The following SLC9A3 variants were observed in gnomAD, a reference collection of about 807,000 sequenced individuals.
SLC9A3 encodes solute carrier family 9 member A3.
In SLC9A3, 37 loss-of-function variants were observed where a neutral mutation model predicts 86.8. That is an observed-to-expected ratio of 0.43 (90% CI 0.33 to 0.56). The LOEUF (loss-of-function observed/expected upper bound fraction) is 0.56. SLC9A3 is among the 20% of genes least tolerant of loss of function. The probability of loss-of-function intolerance (pLI) is 0.06; values close to 1 mark genes in which losing one functional copy is unlikely to be tolerated. For missense variants in SLC9A3, 1,011 were observed against 1,171.9 expected (o/e 0.86, Z 2.00); for synonymous variants, 581 against 528.3 (o/e 1.10, Z -1.37).
intron 1 of SLC9A3, among the ~76,000 whole-genome samples, chr5:504,496 C>G (rs1051676135): frequency 6.6e-6 from 1 of 152,192 alleles, no homozygotes; most frequent in Admixed American, 6.5e-5. Flanking sequence ...CCAGTGTGTC[C>G]GGCGGCGGCA....
In SLC9A3 at chr5:490,122, C is replaced by G. The variant is rs12657631; in HGVS notation, c.515-1646G>C. On this transcript the variant is annotated intron_variant, in intron 2 of 16. Transcript: ENST00000264938. ...ACTCCCAGGAATGGGATGGACCTGC[C>G]GGCCATGGGCATCTCTGTTCCAGAA... Among the ~76,000 whole-genome samples the G allele has an allele frequency of 7.4e-5, 9 of 121,618 alleles. No individual in the cohort carries two copies. In the East Asian group the frequency reaches 1.7e-3, roughly 24 times the overall value. 79.8% of individuals were successfully genotyped at this position (121,618 alleles called of 152,430 possible).
intron 3 of SLC9A3, 63 bp downstream of exon 3, chr5:488,253 G>T: frequency 8.3e-6 from 13 of 1,566,724 alleles, no homozygotes; most frequent in South Asian, 1.1e-5. Flanking sequence ...ACCGATGGGG[G>T]GTGAGACGGG....
At chr5:511,455 A>G (rs1740865825) in intron 1 of SLC9A3, among the ~76,000 whole-genome samples, 1 of 152,288 alleles carries the variant, frequency 6.6e-6, no homozygotes, top group Admixed American at 6.5e-5. Flanking sequence ...CATAGGAAAA[A>G]TAAACAACCC....
intron 1 of SLC9A3, among the ~76,000 whole-genome samples, 173 bp downstream of exon 1, chr5:523,939 A>G (rs1256382358): frequency 1.3e-5 from 2 of 152,014 alleles, no homozygotes; most frequent in African/African-American, 2.4e-5. Context: ...GGGGCGGCTT[A>G]GCGCGGCCAG....
rs769199001 is a variant in SLC9A3 at position 476,510 on chromosome 5, G to A, written c.1890+33C>T. On this transcript the variant is annotated intron_variant, in intron 12 of 16. Coordinates refer to ENST00000264938, the MANE Select transcript of SLC9A3 (RefSeq NM_004174.4). ...GGAAGCCGCCCCACGGGGTCCCTGC[G>A]GGGTCCTCCAGCCCCCAGCCCGCAG... is the stretch of plus-strand genomic sequence containing the variant. 284 of 1,607,004 alleles carry A rather than the reference G, an allele frequency of 1.8e-4. 1 individual carries two copies. Among genetic ancestry groups the A allele is most frequent in the South Asian group, 3.3e-4 (30 of 90,910 alleles).
At chr5:493,835 G>A (rs1005479153) in intron 1 of SLC9A3, among the ~76,000 whole-genome samples, 1 of 152,120 alleles carries the variant, frequency 6.6e-6, no homozygotes, top group African/African-American at 2.4e-5. Context: ...CCCCACTCCG[G>A]GCTGCACATC....
intron 1 of SLC9A3, among the ~76,000 whole-genome samples, chr5:514,711 C>A (rs1335645236): frequency 1.3e-5 from 2 of 152,378 alleles, no homozygotes; most frequent in East Asian, 3.9e-4. Context: ...TTTGTGTCAC[C>A]CCCAAAGCTC....
rs746313484 is a variant in SLC9A3, at chr5:484,532, G to A, written c.920C>T (p.Ser307Leu). The change falls in exon 5 of 17, where the codon TCG becomes TTG. Residue 307 changes from serine to leucine, a missense_variant. Around this residue, in one of 3 missense-constraint regions of SLC9A3, gnomAD observed 565 missense variants for 790.0 expected, o/e 0.72. Coordinates refer to ENST00000264938, the MANE Select transcript of SLC9A3 (RefSeq NM_004174.4). The part of the protein sequence containing the change: ...SYLTSEMLSL[S>L]AILAITFCGI... ...GGGAGGGACTCACGCGAGGATGGCC[G>A]ACAGCGACAGCATCTCGGACGTCAG... 5 of 1,612,992 alleles carry A rather than the reference G, an allele frequency of 3.1e-6. No homozygotes were observed. The highest frequency in any genetic ancestry group is 4.2e-6 in the Non-Finnish European group (5 of 1,179,918).
intron 1 of SLC9A3, among the ~76,000 whole-genome samples, chr5:502,647 C>T (rs1175845255): frequency 2.0e-5 from 3 of 152,232 alleles, no homozygotes; most frequent in African/African-American, 4.8e-5. Flanking sequence ...AGAAAAGAAA[C>T]GTTCTCATAA....
Position 474,943 on chromosome 5 carries a change from A to G in SLC9A3, c.2441T>C (p.Phe814Ser). ...CTCCTCGGGGCCGTCTGCCTGCAGG[A>G]AGGAGTCCACGGACTTGCTGCTGAG... is the stretch of plus-strand genomic sequence containing the variant. Reference protein sequence around the residue: ...FRLSSKSVDSFLQADGPEERP... With the variant: ...FRLSSKSVDSSLQADGPEERP... The change falls in exon 16 of 17, where the codon TTC (phenylalanine) becomes TCC (serine). Residue 814 changes from phenylalanine to serine, a missense_variant. By Grantham distance (155) the Phe-to-Ser change is radical. Transcript: ENST00000264938. 6.2e-7 allele frequency: 1 copy of G among 1,607,324 alleles called. No homozygotes were observed. The highest frequency in any genetic ancestry group is 8.5e-7 in the Non-Finnish European group (1 of 1,177,924).
rs921697342 is a variant in SLC9A3 at position 476,707 on chromosome 5, C to T, written c.1761-35G>A. 3.8e-6 allele frequency: 6 copies of T among 1,595,716 alleles called. No homozygotes were observed. In the African/African-American group the frequency reaches 5.3e-5, roughly 14 times the overall value. ...GACCAGCGCTGAGCCATACAGGCTC[C>T]CTCAGGGTGGGGTCTCTTGCGCGCC... On this transcript the variant is annotated intron_variant, in intron 11 of 16. Coordinates refer to ENST00000264938, the MANE Select transcript of SLC9A3 (RefSeq NM_004174.4).
At chr5:485,279 C>T (rs776134464) in intron 3 of SLC9A3, 48 bp from the exon 4 acceptor site, 32 of 1,513,312 alleles carry the variant, frequency 2.1e-5, no homozygotes, top group Non-Finnish European at 2.8e-5. Context: ...GTTAGTGCCA[C>T]CCCCTCTCCG....
chr5:498,446 G>C (rs768800453), intron 1 of SLC9A3, among the ~76,000 whole-genome samples: 4 of 152,176 alleles, frequency 2.6e-5, no homozygotes, highest in Non-Finnish European at 5.9e-5. Flanking sequence ...TCTGTCACCT[G>C]GACTGGAGTG....
At chr5:511,776 A>T (rs1740878040) in intron 1 of SLC9A3, among the ~76,000 whole-genome samples, 1 of 152,244 alleles carries the variant, frequency 6.6e-6, no homozygotes, top group Non-Finnish European at 1.5e-5. Context: ...CTCAACGGTC[A>T]GGCCCGCAGG....
chr5:483,786 G>A (rs755668356), intron 5 of SLC9A3, among the ~76,000 whole-genome samples: 2 of 152,242 alleles, frequency 1.3e-5, no homozygotes, highest in African/African-American at 2.4e-5. Context: ...CACTGCTGTC[G>A]GCCCACAGAC....
chr5:503,046 C>T (rs1402277666), intron 1 of SLC9A3, among the ~76,000 whole-genome samples: 1 of 152,168 alleles, frequency 6.6e-6, no homozygotes, highest in Non-Finnish European at 1.5e-5. Flanking sequence ...GGCCCACGGG[C>T]TGTAGTTTGC....
intron 3 of SLC9A3, among the ~76,000 whole-genome samples, chr5:486,871 G>T (rs112751860): frequency 3.2e-5 from 4 of 126,750 alleles, no homozygotes; most frequent in South Asian, 2.4e-4. Context: ...GATCCAGACC[G>T]CACTGACACC....
rs940295129 is a variant in SLC9A3 at position 502,013 on chromosome 5, G to T, written c.212-9942C>A. On this transcript the variant is annotated intron_variant, in intron 1 of 16. Coordinates refer to ENST00000264938, the MANE Select transcript of SLC9A3 (RefSeq NM_004174.4). ...CACACAGCTCCAAGAACAACAGCCC[G>T]TTCAGGACTGGACTCCCTGCGCTCA... 2.6e-5 allele frequency among the ~76,000 whole-genome samples: 4 copies of T among 152,280 alleles called. No individual in the cohort carries two copies. The East Asian group carries it at 7.7e-4, about 29-fold the overall frequency.
intron 1 of SLC9A3, among the ~76,000 whole-genome samples, chr5:503,331 T>C (rs1306483703): frequency 6.6e-6 from 1 of 151,428 alleles, no homozygotes; most frequent in African/African-American, 2.4e-5. Context: ...AACCCAGGAG[T>C]TCAAGACCAG....
Sources: allele counts gnomAD v4.1 joint callset (sites outside exome capture counted in the v4.1 genomes callset), GRCh38; gene constraint gnomAD v4.1.1; regional missense constraint gnomAD v4.1.1; transcripts MANE v1.5; gene names NCBI Gene and HGNC (gene_info 2026-07-23, HGNC 2026-07-21).